The following ZNF284 variants were observed in gnomAD, a reference collection of about 807,000 sequenced individuals.
ZNF284 encodes the protein zinc finger protein 284.
Under a neutral mutation model 12.9 loss-of-function variants are expected in ZNF284, and 12 were observed. The ratio of observed to expected loss-of-function variants is 0.93; its 90% CI spans 0.60 to 1.51. The LOEUF (loss-of-function observed/expected upper bound fraction) is 1.51, where lower values mean the gene tolerates loss of function less well. ZNF284 is among the 40% of genes most tolerant of loss of function. ZNF284 has a pLI of 0.00. For synonymous variants in ZNF284, 225 were observed against 236.5 expected (o/e 0.95, Z 0.45); for missense variants, 667 against 707.3 (o/e 0.94, Z 0.65).
chr19:44,077,179 C>G (rs916956948), intron 2 of ZNF284, among the ~76,000 whole-genome samples: 1 of 152,162 alleles, frequency 6.6e-6, no homozygotes, highest in Non-Finnish European at 1.5e-5. Context: ...TGAAAGAGTA[C>G]TTTTGACATG....
chr19:44,076,139 G>A (rs948078340), intron 1 of ZNF284, among the ~76,000 whole-genome samples, 183 bp from the exon 2 acceptor site: 2 of 152,038 alleles, frequency 1.3e-5, no homozygotes, highest in African/African-American at 2.4e-5. Context: ...ATGGATAGGC[G>A]ACAATTTGTC....
chr19:44,073,545 A>G (rs1599875392), intron 1 of ZNF284, among the ~76,000 whole-genome samples: 1 of 140,362 alleles, frequency 7.1e-6, no homozygotes, highest in Admixed American at 7.0e-5. Flanking sequence ...CTTCGAGTGC[A>G]TTTTTTTTTT....
intron 3 of ZNF284, 99 bp downstream of exon 3, chr19:44,081,240 A>G: frequency 7.2e-7 from 1 of 1,391,814 alleles, no homozygotes; most frequent in East Asian, 2.6e-5. Flanking sequence ...GCTATGAAGA[A>G]ATACCCAAGA....
intron 3 of ZNF284, 77 bp from the exon 4 acceptor site, chr19:44,081,936 G>A: frequency 1.7e-6 from 2 of 1,143,192 alleles, no homozygotes; most frequent in South Asian, 2.7e-5. Flanking sequence ...TCAAGTTCGA[G>A]TGTGCAGTGA....
In ZNF284 at chr19:44,088,915, G is replaced by A. The variant is rs1967304518; in HGVS notation, c.*1655G>A. The A allele has an allele frequency of 6.6e-6, 1 of 150,872 alleles. No homozygotes were observed. Among genetic ancestry groups the A allele is most frequent in the African/African-American group, 2.4e-5 (1 of 40,972 alleles). The allele number at this position is 150,872 out of a possible 1,614,324, so 9.3% of individuals were successfully genotyped here. On this transcript the variant is annotated 3_prime_UTR_variant, in exon 5 of 5. Coordinates refer to ENST00000421176, the MANE Select transcript of ZNF284 (RefSeq NM_001037813.4). ...GGCTCCCTGCAGCCTTGACCTCCCA[G>A]GCTCAAGAAATCCTTCTGCCTCAGC...
At chr19:44,083,491 AGAGAGAGAGAGG>A (rs1274435459) in intron 4 of ZNF284, among the ~76,000 whole-genome samples, 2,027 of 98,632 alleles carry the variant, frequency 0.021, 419 homozygotes, top group Non-Finnish European at 0.031. Flanking sequence ...AGAGAGAGAG[AGAGAGAGAGAGG>A]GAATGGAATA....
rs897440759 is a variant in ZNF284, at chr19:44,081,644, G to A, written c.143-369G>A. Among the ~76,000 whole-genome samples, 7 of 152,112 alleles carry A rather than the reference G, an allele frequency of 4.6e-5. No homozygotes were observed. The South Asian group carries it at 6.2e-4, about 14-fold the overall frequency. ...GGTAAATGGCGTGAACCTGGGAGGCGGAGCTTGCAGTGAGCCGAGATCGCA... is the reference window on the plus strand; with the variant it reads ...GGTAAATGGCGTGAACCTGGGAGGCAGAGCTTGCAGTGAGCCGAGATCGCA... On this transcript the variant is annotated intron_variant, in intron 3 of 4. Transcript: ENST00000421176.
intron 2 of ZNF284, among the ~76,000 whole-genome samples, chr19:44,080,025 T>G (rs1599878283): frequency 6.6e-6 from 1 of 152,326 alleles, no homozygotes; most frequent in East Asian, 1.9e-4. Flanking sequence ...TGCTTATTCC[T>G]GGAGAAAACT....
chr19:44,076,267 C>T, intron 1 of ZNF284, 55 bp from the exon 2 acceptor site: 2 of 944,830 alleles, frequency 2.1e-6, no homozygotes, highest in Admixed American at 4.5e-5. Flanking sequence ...GGTGGCATCA[C>T]TGACCACCCC....
chr19:44,078,225 T>C (rs1047828850), intron 2 of ZNF284, among the ~76,000 whole-genome samples: 2 of 152,232 alleles, frequency 1.3e-5, no homozygotes, highest in Non-Finnish European at 2.9e-5. Flanking sequence ...GAAAAGGTGA[T>C]AGTATTATTT....
Position 44,086,187 on chromosome 19 carries a change from G to A in ZNF284, c.709G>A (p.Gly237Arg). ...GEKPFKCEQCGKSFSRRSGMY... is the reference protein window; with the variant it reads ...GEKPFKCEQCRKSFSRRSGMY... ...GAAACCATTCAAATGTGAGCAGTGT[G>A]GGAAAAGTTTCAGCCGTAGATCAGG... The change falls in exon 5 of 5, where the codon GGG becomes AGG. Residue 237 changes from glycine to arginine, a missense_variant. Physicochemically the swap from Gly to Arg is moderately radical, Grantham distance 125 (BLOSUM62 -2). Transcript: ENST00000421176. 1.2e-6 allele frequency: 2 copies of A among 1,614,200 alleles called. No individual in the cohort carries two copies. Among genetic ancestry groups the A allele is most frequent in the Non-Finnish European group, 1.7e-6 (2 of 1,180,046 alleles).
chr19:44,079,924 G>A (rs536068160), intron 2 of ZNF284, among the ~76,000 whole-genome samples: 83 of 151,788 alleles, frequency 5.5e-4, no homozygotes, highest in Middle Eastern at 3.4e-3. Context: ...GCGAAACTCC[G>A]TCTCAAAAAA....
chr19:44,080,991 G>A (rs1354153514), intron 2 of ZNF284, 24 bp from the exon 3 acceptor site: 1 of 1,605,854 alleles, frequency 6.2e-7, no homozygotes, highest in African/African-American at 1.3e-5. Flanking sequence ...ATGAGATTGA[G>A]ATTGCATACG....
chr19:44,078,039 A>G (rs1967061039), intron 2 of ZNF284, among the ~76,000 whole-genome samples: 1 of 152,236 alleles, frequency 6.6e-6, no homozygotes, highest in Non-Finnish European at 1.5e-5. Context: ...GTTACCAGGG[A>G]ATATAACAGC....
chr19:44,083,496 G>T (rs1286918645), intron 4 of ZNF284, among the ~76,000 whole-genome samples: 10,702 of 53,050 alleles, frequency 0.2, 2,636 homozygotes, highest in Non-Finnish European at 0.38. Context: ...GAGAGAGAGA[G>T]AGAGAGGGAA....
intron 2 of ZNF284, among the ~76,000 whole-genome samples, chr19:44,077,689 C>CT (rs1599877133): frequency 2.0e-5 from 3 of 151,992 alleles, no homozygotes; most frequent in African/African-American, 7.3e-5. Context: ...TCATCTTCCT[C>CT]TTAAATATGT....
At chr19:44,078,597 G>A (rs1203807480) in intron 2 of ZNF284, among the ~76,000 whole-genome samples, 1 of 152,034 alleles carries the variant, frequency 6.6e-6, no homozygotes, top group African/African-American at 2.4e-5. Flanking sequence ...AAGTAGCTAG[G>A]ACTACGGGCA....
In ZNF284 at chr19:44,080,999, A is replaced by G; in HGVS notation, c.16-16A>G. ...ACTGGTCATGAGATTGAGATTGCAT[A>G]CGTTTGTTGTTGTAGGAGGCAGTGA... is the stretch of plus-strand genomic sequence containing the variant. On this transcript the variant is annotated splice_polypyrimidine_tract_variant and intron_variant, in intron 2 of 4. Coordinates refer to ENST00000421176, the MANE Select transcript of ZNF284 (RefSeq NM_001037813.4). 1 of 1,607,924 alleles carries G rather than the reference A, an allele frequency of 6.2e-7. No homozygotes were observed. The highest frequency in any genetic ancestry group is 1.1e-5 in the South Asian group (1 of 90,876).
intron 1 of ZNF284, among the ~76,000 whole-genome samples, chr19:44,072,860 G>A (rs931339121): frequency 6.6e-6 from 1 of 152,382 alleles, no homozygotes; most frequent in East Asian, 1.9e-4. Flanking sequence ...TGCGGTCAGG[G>A]TGTTTCACAG....
Sources: allele counts gnomAD v4.1 joint callset (sites outside exome capture counted in the v4.1 genomes callset), GRCh38; gene constraint gnomAD v4.1.1; transcripts MANE v1.5; gene names NCBI Gene and HGNC (gene_info 2026-07-23, HGNC 2026-07-21).